CENPI: variants seen among roughly 807,000 people sequenced by gnomAD.
CENPI encodes the protein centromere protein I.
In CENPI, 4 loss-of-function variants were observed where a neutral mutation model predicts 60.4. The ratio of observed to expected loss-of-function variants is 0.07; its 90% CI spans 0.03 to 0.15. CENPI has a LOEUF of 0.15. CENPI is among the 10% of genes least tolerant of loss of function. The probability of loss-of-function intolerance (pLI) is 1.00; values close to 1 mark genes in which losing one functional copy is unlikely to be tolerated. For missense variants in CENPI, 444 were observed against 534.5 expected, an observed-to-expected ratio of 0.83 and a Z score of 1.67; for synonymous variants, 157 against 189.4, an observed-to-expected ratio of 0.83 and a Z score of 1.40.
intron 15 of CENPI, among the ~76,000 whole-genome samples, chrX:101,139,116 A>C (rs1427460604): frequency 1.5e-5 from 1 of 65,746 alleles, no homozygotes; most frequent in South Asian, 8.6e-4. Context: ...TTTTTGAGAC[A>C]GTGTCTCACT....
chrX:101,124,240 A>G (rs1381272631), intron 8 of CENPI, among the ~76,000 whole-genome samples: 1 of 109,698 alleles, frequency 9.1e-6, no homozygotes, highest in Admixed American at 9.9e-5. Context: ...AGGAGGGCCA[A>G]TGTTCCAGTT....
Position 101,145,196 on chromosome X carries a change from G to T in CENPI, c.1698G>T (p.Glu566Asp). ...FLLHFILDFY[E>D]KVCDIYINYN... ...TGCACTTTATTTTGGATTTCTATGAGAAGGTAGTACACATTACATTTTCCC... is the reference window on the plus strand; with the variant it reads ...TGCACTTTATTTTGGATTTCTATGATAAGGTAGTACACATTACATTTTCCC... Residue 566 changes from glutamate (E) to aspartate (D), a missense_variant, in exon 17 of 22, where the codon GAG (glutamate) becomes GAT (aspartate). Coordinates refer to ENST00000682095, the MANE Select transcript of CENPI (RefSeq NM_001386188.2). 8.3e-7 allele frequency: 1 copy of T among 1,202,702 alleles called. No individual in the cohort carries two copies. The highest frequency in any genetic ancestry group is 1.8e-5 in the South Asian group (1 of 55,985).
intron 18 of CENPI, 81 bp downstream of exon 18, chrX:101,146,358 C>T: frequency 1.1e-6 from 1 of 951,259 alleles, no homozygotes. Context: ...AATAAATATT[C>T]CTACTCGTCT....
rs1204799682 is a variant in CENPI at position 101,136,788 on chromosome X, T to TA, written c.1471-3872dup. ...CATAGAGTTGCAAACATAGTGGACATAAAAAATCAGAATACGTAATTAACA... is the reference window on the plus strand; with the variant it reads ...CATAGAGTTGCAAACATAGTGGACATAAAAAAATCAGAATACGTAATTAACA... On this transcript the variant is annotated intron_variant, in intron 15 of 21. Coordinates refer to ENST00000682095, the MANE Select transcript of CENPI (RefSeq NM_001386188.2). Among the ~76,000 whole-genome samples the TA allele has an allele frequency of 1.5e-4, 17 of 112,224 alleles. No individual in the cohort carries two copies. The Admixed American group carries it at 1.6e-3, about 11-fold the overall frequency.
At chrX:101,147,699 C>A in intron 18 of CENPI, 64 bp from the exon 19 acceptor site, 1 of 848,041 alleles carries the variant, frequency 1.2e-6, no homozygotes, top group South Asian at 2.4e-5. Context: ...TAAATTTTAC[C>A]ATTTCAAAGG....
Position 101,146,242 on chromosome X carries a change from C to G in CENPI, c.1791C>G (p.Thr597=), listed in dbSNP as rs1334323401. ...IFYSALLSLD[T]SILNQLCFIM... ...ATTCTGCACTCCTCAGCCTGGATAC[C>G]AGCATCCTGAACCAGCTGTGTTTTA... is the stretch of plus-strand genomic sequence containing the variant. Residue 597 remains threonine, a synonymous_variant, in exon 18 of 22, where the codon ACC becomes ACG. Transcript: ENST00000682095. The G allele has an allele frequency of 8.3e-7, 1 of 1,209,255 alleles. No individual in the cohort carries two copies. Among genetic ancestry groups the G allele is most frequent in the East Asian group, 3.0e-5 (1 of 33,800 alleles).
intron 21 of CENPI, among the ~76,000 whole-genome samples, chrX:101,162,473 A>AAAAATATATATATATATATAT (rs1303045267): frequency 4.4e-5 from 3 of 68,110 alleles, no homozygotes; most frequent in African/African-American, 2.1e-4. Context: ...AAAAAAAAAA[A>AAAAATATATATATATATATAT]ATATATATAT....
intron 20 of CENPI, among the ~76,000 whole-genome samples, chrX:101,159,568 C>T (rs1358529894): frequency 9.0e-6 from 1 of 110,696 alleles, no homozygotes; most frequent in African/African-American, 3.3e-5. Flanking sequence ...AAGTGATTCT[C>T]CTGCCTCAGC....
chrX:101,133,059 G>A (rs1225904936), intron 15 of CENPI, among the ~76,000 whole-genome samples: 1 of 110,661 alleles, frequency 9.0e-6, no homozygotes, highest in Non-Finnish European at 1.9e-5. Flanking sequence ...TAGAAGAGGG[G>A]CAATTAAGTA....
At chrX:101,135,034 A>G (rs2148206304) in intron 15 of CENPI, among the ~76,000 whole-genome samples, 1 of 111,624 alleles carries the variant, frequency 9.0e-6, no homozygotes, top group Non-Finnish European at 1.9e-5. Context: ...AATTTACAAA[A>G]TTTAAAAAAG....
chrX:101,117,486 C>T (rs1009565314), intron 6 of CENPI, among the ~76,000 whole-genome samples: 4 of 112,107 alleles, frequency 3.6e-5, no homozygotes, highest in Non-Finnish European at 7.5e-5. Context: ...TGAGCCACCG[C>T]GCCTGGCCAA....
chrX:101,099,028 T>G (rs2089377470), intron 2 of CENPI, among the ~76,000 whole-genome samples: 1 of 108,773 alleles, frequency 9.2e-6, no homozygotes, highest in South Asian at 4.0e-4. Context: ...ATGTTACTAC[T>G]GTTTCTTTTC....
rs916191369 is a variant in CENPI at position 101,113,821 on chromosome X, T to G, written c.591+3823T>G. On this transcript the variant is annotated intron_variant, in intron 6 of 21. Transcript: ENST00000682095. ...TTGCCCTTGTTCTCAAAAACTGGTA[T>G]TAGTGTATGTAGAATTCTAGAGTGA... is the stretch of plus-strand genomic sequence containing the variant. Among the ~76,000 whole-genome samples, 3 of 112,580 alleles carry G rather than the reference T, an allele frequency of 2.7e-5. 1 individual carries two copies. The Admixed American group carries it at 2.8e-4, about 11-fold the overall frequency.
chrX:101,104,673 A>G (rs2089462838), intron 4 of CENPI, among the ~76,000 whole-genome samples: 1 of 103,017 alleles, frequency 9.7e-6, no homozygotes, highest in African/African-American at 3.5e-5. Flanking sequence ...AGCCTGGGCA[A>G]CAAAGCGAAA....
At chrX:101,155,995 T>C (rs1243680459) in intron 20 of CENPI, among the ~76,000 whole-genome samples, 1 of 111,702 alleles carries the variant, frequency 9.0e-6, no homozygotes, top group Non-Finnish European at 1.9e-5. Flanking sequence ...TGCCTTTGTT[T>C]AATAACTTAT....
At chrX:101,147,717 T>G in intron 18 of CENPI, 46 bp from the exon 19 acceptor site, 3 of 1,019,353 alleles carry the variant, frequency 2.9e-6, no homozygotes, top group Non-Finnish European at 4.1e-6. Context: ...AGGCATTATA[T>G]TCAAAGGCAT....
At chrX:101,149,033 G>A (rs1010180963) in intron 20 of CENPI, among the ~76,000 whole-genome samples, 4 of 111,390 alleles carry the variant, frequency 3.6e-5, no homozygotes, top group African/African-American at 1.3e-4. Context: ...ATAGGGGAAA[G>A]TATAGAGGAT....
In CENPI at chrX:101,140,615, T is replaced by G; in HGVS notation, c.1471-51T>G. 5 of 897,772 alleles carry G rather than the reference T, an allele frequency of 5.6e-6. No individual in the cohort carries two copies. In the South Asian group the frequency reaches 1.0e-4, roughly 18 times the overall value. The allele number at this position is 897,772 out of a possible 1,213,427, so 74.0% of individuals were successfully genotyped here. Reference sequence around the variant, plus strand: ...CTAAGCCTCTGTTAGTTCTGAACACTGTTATGTCTGAATGATTTCATGAAA... The same window carrying G: ...CTAAGCCTCTGTTAGTTCTGAACACGGTTATGTCTGAATGATTTCATGAAA... On this transcript the variant is annotated intron_variant, in intron 15 of 21. Transcript: ENST00000682095.
rs2089951111 is a variant in CENPI, at chrX:101,145,084, C to G, written c.1586C>G (p.Ser529Cys). 1 of 1,203,352 alleles carries G rather than the reference C, an allele frequency of 8.3e-7. No individual in the cohort carries two copies. Residue 529 changes from serine (S) to cysteine (C), a missense_variant, in exon 17 of 22, where the codon TCC becomes TGC. Physicochemically the swap from Ser to Cys is moderately radical, Grantham distance 112. Coordinates refer to ENST00000682095, the MANE Select transcript of CENPI (RefSeq NM_001386188.2). ...TGCAGAGAGACAACTTTGGGTGGATCCATGAACTCTGTGTCTAAACTGATC... is the reference window on the plus strand; with the variant it reads ...TGCAGAGAGACAACTTTGGGTGGATGCATGAACTCTGTGTCTAAACTGATC... ...NSPLETTLGGSMNSVSKLIHY... is the reference protein window; with the variant it reads ...NSPLETTLGGCMNSVSKLIHY...
Sources: gnomAD v4.1 joint callset for allele counts (sites outside exome capture counted in the v4.1 genomes callset) on GRCh38, gnomAD v4.1.1 for gene constraint, MANE v1.5 for transcripts, NCBI Gene and HGNC (gene_info 2026-07-23, HGNC 2026-07-21) for gene names.